Variants in C1orf94 observed in about 807,000 individuals in gnomAD.
C1orf94 encodes the protein uncharacterized protein C1orf94.
A neutral mutation model predicts 53.6 loss-of-function variants in C1orf94; 45 were observed. The observed-to-expected ratio is 0.84, with a 90% CI of 0.66 to 1.08. The LOEUF (loss-of-function observed/expected upper bound fraction) is 1.08, where lower values mean the gene tolerates loss of function less well. Ranked by LOEUF, C1orf94 falls within the 50% of genes least tolerant of loss-of-function variation. The probability of loss-of-function intolerance (pLI) is 0.00; values close to 1 mark genes in which losing one functional copy is unlikely to be tolerated. For missense variants in C1orf94, 762 were observed against 738.9 expected, an observed-to-expected ratio of 1.03 and a Z score of -0.36; for synonymous variants, 304 against 296.1, an observed-to-expected ratio of 1.03 and a Z score of -0.27.
chr1:34,199,541 G>A lies in C1orf94; in HGVS notation c.1010-1231G>A, dbSNP rs75161041. On this transcript the variant is annotated intron_variant, in intron 2 of 6. Coordinates refer to ENST00000488417, the MANE Select transcript of C1orf94 (RefSeq NM_001134734.2). ...CCGCTGGGCTAGGGGGCCAAAAGCT[G>A]GTGGGATCTGGTCTATTATTATCAA... 6.2e-3 allele frequency among the ~76,000 whole-genome samples: 950 copies of A among 152,294 alleles called. 13 individuals carry two copies. Among genetic ancestry groups the A allele is most frequent in the African/African-American group, 0.022 (915 of 41,550 alleles).
chr1:34,171,330 T>C (rs888665803), intron 1 of C1orf94, among the ~76,000 whole-genome samples: 12 of 152,250 alleles, frequency 7.9e-5, no homozygotes, highest in Middle Eastern at 3.2e-3. Context: ...GTGACTAGCC[T>C]TCTCCTATTT....
chr1:34,189,850 G>A (rs1347525867), intron 1 of C1orf94, among the ~76,000 whole-genome samples: 2 of 152,222 alleles, frequency 1.3e-5, no homozygotes, highest in African/African-American at 2.4e-5. Context: ...CTGAAACTGA[G>A]GCTCAGAGAA....
At position 34,200,756 on chromosome 1, in the gene C1orf94, T is replaced by C; in HGVS notation, c.1010-16T>C. ...GGCCTTCCAGAGGCATTGACTCAGT[T>C]TCTTTCCTGCTACAGAATGGAGCCC... On this transcript the variant is annotated splice_polypyrimidine_tract_variant and intron_variant, in intron 2 of 6. Transcript: ENST00000488417. 1.2e-6 allele frequency: 2 copies of C among 1,613,704 alleles called. No individual in the cohort carries two copies. The highest frequency in any genetic ancestry group is 1.1e-5 in the South Asian group (1 of 91,064).
chr1:34,186,377 T>C lies in C1orf94; in HGVS notation c.320+8268T>C, dbSNP rs894277230. On this transcript the variant is annotated intron_variant, in intron 1 of 6. Coordinates refer to ENST00000488417, the MANE Select transcript of C1orf94 (RefSeq NM_001134734.2). ...TAAGAGAAGGACTCGATGTTCATCA[T>C]CATCATCACCATTCCACCATCATCA... 2.6e-5 allele frequency among the ~76,000 whole-genome samples: 4 copies of C among 152,364 alleles called. No individual in the cohort carries two copies. The East Asian group carries it at 5.8e-4, about 22-fold the overall frequency.
At chr1:34,208,262 C>T in intron 5 of C1orf94, 28 bp downstream of exon 5, 3 of 1,607,294 alleles carry the variant, frequency 1.9e-6, no homozygotes, top group Non-Finnish European at 2.6e-6. Flanking sequence ...CCTCCTCTGT[C>T]CTGGGTCCAT....
chr1:34,209,285 A>AACACACACACACACACACAC (rs59376155), intron 5 of C1orf94, among the ~76,000 whole-genome samples: 8 of 143,728 alleles, frequency 5.6e-5, no homozygotes, highest in African/African-American at 1.5e-4. Flanking sequence ...GAGAAATGCA[A>AACACACACACACACACACAC]ACACACACAC....
chr1:34,195,807 T>C (rs941491121), intron 1 of C1orf94, among the ~76,000 whole-genome samples: 3 of 148,082 alleles, frequency 2.0e-5, no homozygotes, highest in Admixed American at 6.8e-5. Context: ...TGTGTGTGTG[T>C]GTGCGTTTGT....
Position 34,212,133 on chromosome 1 carries a change from G to A in C1orf94, c.1525-77G>A, listed in dbSNP as rs553622043. 433 of 1,359,702 alleles carry A rather than the reference G, an allele frequency of 3.2e-4. 2 individuals are homozygous for A. The highest frequency in any genetic ancestry group is 2.8e-3 in the East Asian group (116 of 41,226). 84.2% of individuals were successfully genotyped at this position (1,359,702 alleles called of 1,614,324 possible). A position where few individuals can be genotyped will look rare whatever the true frequency, so the allele number is the denominator to read the frequency against. On this transcript the variant is annotated intron_variant, in intron 5 of 6. Transcript: ENST00000488417. ...AGTGACTGAGGAGCACAGGGGCTGA[G>A]ACTGGGGGTGGGTGGCTGGGGTTAG...
At chr1:34,212,160 G>A (rs766237586) in intron 5 of C1orf94, 50 bp from the exon 6 acceptor site, 2 of 1,536,134 alleles carry the variant, frequency 1.3e-6, no homozygotes, top group South Asian at 1.3e-5. Flanking sequence ...TGGGGTTAGA[G>A]TTGGGCTGGG....
At chr1:34,188,481 A>G (rs1642422827) in intron 1 of C1orf94, among the ~76,000 whole-genome samples, 1 of 152,162 alleles carries the variant, frequency 6.6e-6, no homozygotes, top group African/African-American at 2.4e-5. Context: ...TCTGAGTATC[A>G]CCATCCCCAC....
intron 1 of C1orf94, 125 bp downstream of exon 1, chr1:34,178,234 C>A: frequency 1.9e-6 from 2 of 1,038,010 alleles, no homozygotes; most frequent in Non-Finnish European, 2.7e-6. Context: ...ATTGCCCCCT[C>A]CATGGTCCTT....
intron 6 of C1orf94, among the ~76,000 whole-genome samples, chr1:34,215,832 C>A (rs1642978784): frequency 6.6e-6 from 1 of 151,984 alleles, no homozygotes; most frequent in Admixed American, 6.6e-5. Flanking sequence ...ATGGTAAAAC[C>A]CCATCTCTAC....
intron 1 of C1orf94, among the ~76,000 whole-genome samples, chr1:34,183,125 G>A (rs1642335520): frequency 6.6e-6 from 1 of 152,200 alleles, no homozygotes; most frequent in South Asian, 2.1e-4. Flanking sequence ...TGGTTGGACG[G>A]TGTGCCATTT....
intron 1 of C1orf94, among the ~76,000 whole-genome samples, chr1:34,168,224 G>A (rs1231852747): frequency 6.6e-6 from 1 of 152,096 alleles, no homozygotes; most frequent in African/African-American, 2.4e-5. Flanking sequence ...GCTGCAGTGA[G>A]CCATGATCAC....
At chr1:34,214,664 G>A (rs1471040489) in intron 6 of C1orf94, among the ~76,000 whole-genome samples, 3 of 152,146 alleles carry the variant, frequency 2.0e-5, no homozygotes, top group Non-Finnish European at 4.4e-5. Context: ...GTCAGCTTTC[G>A]GGAACCACCG....
rs575350760 is a variant in C1orf94, at chr1:34,180,525, C to T, written c.320+2416C>T. Among the ~76,000 whole-genome samples, 6 of 152,276 alleles carry T rather than the reference C, an allele frequency of 3.9e-5. No individual in the cohort carries two copies. The East Asian group carries it at 1.2e-3, about 29-fold the overall frequency. ...GGTTTGGAGGGGTTAATTTCTTTGC[C>T]CAAGCTCCTACAGTTAGGAAGTAGT... On this transcript the variant is annotated intron_variant, in intron 1 of 6. Coordinates refer to ENST00000488417, the MANE Select transcript of C1orf94 (RefSeq NM_001134734.2).
chr1:34,197,177 C>G lies in C1orf94; in HGVS notation c.321-48C>G. 4 of 1,456,502 alleles carry G rather than the reference C, an allele frequency of 2.7e-6. No homozygotes were observed. The highest frequency in any genetic ancestry group is 3.6e-6 in the Non-Finnish European group (4 of 1,096,754). The allele number at this position is 1,456,502 out of a possible 1,614,324, so 90.2% of individuals were successfully genotyped here. On this transcript the variant is annotated intron_variant, in intron 1 of 6. Transcript: ENST00000488417. This position sits in a 1 kb window ranked among gnomAD's most constrained non-coding sequence, Gnocchi z 4.1. ...CCTATGTCCTTCTGCAAAGCCACGC[C>G]TTGGTGAGCTGGCACTAACACCGTC...
intron 4 of C1orf94, among the ~76,000 whole-genome samples, chr1:34,204,294 G>T (rs1190776415): frequency 6.6e-6 from 1 of 152,146 alleles, no homozygotes; most frequent in Non-Finnish European, 1.5e-5. Context: ...AAGGAACTTA[G>T]CAAAGTCTCT....
intron 1 of C1orf94, among the ~76,000 whole-genome samples, chr1:34,193,155 G>C (rs149617041): frequency 1.9e-4 from 29 of 152,246 alleles, no homozygotes; most frequent in Non-Finnish European, 3.2e-4. Flanking sequence ...CGATGGCAGC[G>C]AAGTGTTTGA....
Sources: gnomAD v4.1 joint callset for allele counts (sites outside exome capture counted in the v4.1 genomes callset) on GRCh38, gnomAD v4.1.1 for gene constraint, Gnocchi (gnomAD v3.1) non-coding constraint, MANE v1.5 for transcripts, NCBI Gene and HGNC (gene_info 2026-07-23, HGNC 2026-07-21) for gene names.